The following ATRNL1 variants were observed in gnomAD, a reference collection of about 807,000 sequenced individuals.
ATRNL1 encodes the protein attractin-like protein 1.
Under a neutral mutation model 182.7 loss-of-function variants are expected in ATRNL1, and 95 were observed. The observed-to-expected ratio is 0.52, with a 90% CI of 0.44 to 0.62. The LOEUF (loss-of-function observed/expected upper bound fraction) is 0.62. Among genes scored for constraint, ATRNL1 ranks in the 20% least tolerant of loss-of-function variants. The pLI is 0.00. For missense variants in ATRNL1, 1,471 were observed against 1,679.5 expected (o/e 0.88, Z 2.17); for synonymous variants, 576 against 568.3 (o/e 1.01, Z -0.19).
At chr10:115,389,546 A>ATATATATATATT in intron 19 of ATRNL1, among the ~76,000 whole-genome samples, 1 of 16,394 alleles carries the variant, frequency 6.1e-5, no homozygotes, top group Admixed American at 8.6e-4. Flanking sequence ...ATGTGTATAT[A>ATATATATATATT]TATATATATA....
At chr10:115,666,586 T>G (rs868934258) in intron 26 of ATRNL1, among the ~76,000 whole-genome samples, 2 of 152,132 alleles carry the variant, frequency 1.3e-5, no homozygotes, top group Non-Finnish European at 2.9e-5. Context: ...CTCATATTTT[T>G]TCCCCAAAAA....
chr10:115,542,124 C>A (rs1372499314), intron 25 of ATRNL1, among the ~76,000 whole-genome samples: 3 of 152,034 alleles, frequency 2.0e-5, no homozygotes, highest in African/African-American at 7.2e-5. Flanking sequence ...ATAGGACTTA[C>A]CCAGGAAGAT....
At chr10:115,228,799 CTT>C (rs1849808053) in intron 9 of ATRNL1, among the ~76,000 whole-genome samples, 1 of 129,172 alleles carries the variant, frequency 7.7e-6, no homozygotes, top group Non-Finnish European at 1.6e-5. Context: ...AAGTTTCGCT[CTT>C]GTTTCCCAGG....
At chr10:115,837,514 ACACACACACACACC>A (rs1950705856) in intron 27 of ATRNL1, among the ~76,000 whole-genome samples, 1 of 107,576 alleles carries the variant, frequency 9.3e-6, no homozygotes. Flanking sequence ...ACACACACAC[ACACACACACACACC>A]AGAACACCCT....
intron 9 of ATRNL1, among the ~76,000 whole-genome samples, chr10:115,230,712 C>T (rs1849887350): frequency 6.6e-6 from 1 of 151,886 alleles, no homozygotes; most frequent in Non-Finnish European, 1.5e-5. Flanking sequence ...GCAGGAAGAC[C>T]ATTTAGGAGG....
At chr10:115,859,800 T>C (rs1400399682) in intron 28 of ATRNL1, among the ~76,000 whole-genome samples, 2 of 152,196 alleles carry the variant, frequency 1.3e-5, no homozygotes, top group African/African-American at 2.4e-5. Flanking sequence ...ATGGAAGTCC[T>C]GGTGGAGGAG....
Position 115,093,756 on chromosome 10 carries a change from G to A in ATRNL1, c.6G>A (p.Glu2=). 7.1e-7 allele frequency: 1 copy of A among 1,415,858 alleles called. No homozygotes were observed. The highest frequency in any genetic ancestry group is 1.5e-5 in the South Asian group (1 of 65,726). The allele number at this position is 1,415,858 out of a possible 1,614,324, so 87.7% of individuals were successfully genotyped here. ...GGGCAGGGGCGCCGGGGAAGATGGAGACTGGGGGCCGGGCCCGCACTGGTA... is the reference window on the plus strand; with the variant it reads ...GGGCAGGGGCGCCGGGGAAGATGGAAACTGGGGGCCGGGCCCGCACTGGTA... M[E]TGGRARTGTP... is the part of the protein sequence containing the mutation. Residue 2 remains glutamate (E), a synonymous_variant, in exon 1 of 29, where the codon GAG becomes GAA. Transcript: ENST00000355044. This position sits in a 1 kb window ranked among gnomAD's most constrained non-coding sequence, Gnocchi z 6.1.
At chr10:115,361,996 T>C (rs1047729051) in intron 19 of ATRNL1, among the ~76,000 whole-genome samples, 2 of 152,052 alleles carry the variant, frequency 1.3e-5, no homozygotes, top group Non-Finnish European at 2.9e-5. Flanking sequence ...CTCTTTAATA[T>C]AGGCAAGTAC....
intron 28 of ATRNL1, among the ~76,000 whole-genome samples, chr10:115,856,343 G>T (rs1342629853): frequency 7.8e-5 from 11 of 141,824 alleles, no homozygotes; most frequent in Non-Finnish European, 1.4e-4. Flanking sequence ...CAGGAGAAAC[G>T]CTTGAACCCA....
intron 26 of ATRNL1, among the ~76,000 whole-genome samples, chr10:115,690,327 C>T (rs1263685797): frequency 6.6e-6 from 1 of 152,018 alleles, no homozygotes; most frequent in Non-Finnish European, 1.5e-5. Context: ...ACTGTTCCAC[C>T]TCAGATCATC....
At chr10:115,473,770 G>T (rs1174619638) in intron 24 of ATRNL1, among the ~76,000 whole-genome samples, 1 of 151,172 alleles carries the variant, frequency 6.6e-6, no homozygotes, top group African/African-American at 2.4e-5. Flanking sequence ...ATGTGACCAA[G>T]TTTTCTATTT....
At chr10:115,308,408 AT>A (rs1853844025) in intron 17 of ATRNL1, among the ~76,000 whole-genome samples, 1 of 152,146 alleles carries the variant, frequency 6.6e-6, no homozygotes, top group African/African-American at 2.4e-5. Context: ...TAAAAATAGA[AT>A]AATACACAAC....
At chr10:115,792,374 A>G (rs1367839133) in intron 27 of ATRNL1, among the ~76,000 whole-genome samples, 4 of 152,080 alleles carry the variant, frequency 2.6e-5, no homozygotes, top group Admixed American at 1.3e-4. Context: ...TCTGAGTTCT[A>G]CAATAGCTGT....
intron 19 of ATRNL1, among the ~76,000 whole-genome samples, chr10:115,370,157 C>G (rs929332746): frequency 6.6e-6 from 1 of 152,174 alleles, no homozygotes; most frequent in Non-Finnish European, 1.5e-5. Context: ...TGAGGCCTCC[C>G]CAGCCATGTG....
At position 115,776,495 on chromosome 10, in the gene ATRNL1, G is replaced by A. The variant is rs114210310; in HGVS notation, c.3903+49140G>A. Among the ~76,000 whole-genome samples, 838 of 152,154 alleles carry A rather than the reference G, an allele frequency of 5.5e-3. 6 individuals carry two copies. Among genetic ancestry groups the A allele is most frequent in the African/African-American group, 0.019 (785 of 41,504 alleles). ...GGTCTCTTCCTCTTGAATCTGGGTG[G>A]GATCTGACTGTCTGACTAACAGAAT... On this transcript the variant is annotated intron_variant, in intron 27 of 28. Coordinates refer to ENST00000355044, the MANE Select transcript of ATRNL1 (RefSeq NM_207303.4).
At chr10:115,743,024 A>C (rs1948182579) in intron 27 of ATRNL1, among the ~76,000 whole-genome samples, 1 of 152,106 alleles carries the variant, frequency 6.6e-6, no homozygotes, top group South Asian at 2.1e-4. Flanking sequence ...AGAAGTGCCG[A>C]GTAAAAGGGG....
At chr10:115,626,168 T>C (rs1264580910) in intron 26 of ATRNL1, among the ~76,000 whole-genome samples, 2 of 152,274 alleles carry the variant, frequency 1.3e-5, no homozygotes, top group East Asian at 3.9e-4. Context: ...ATACATACAC[T>C]TACTTTGTTA....
chr10:115,376,317 T>A (rs957534465), intron 19 of ATRNL1, among the ~76,000 whole-genome samples: 1 of 152,144 alleles, frequency 6.6e-6, no homozygotes, highest in Non-Finnish European at 1.5e-5. Flanking sequence ...TGAGACAGGA[T>A]CTTGCTTTGT....
At chr10:115,380,189 C>T (rs1223596675) in intron 19 of ATRNL1, among the ~76,000 whole-genome samples, 2 of 152,056 alleles carry the variant, frequency 1.3e-5, no homozygotes, top group African/African-American at 4.8e-5. Flanking sequence ...TTCTTAGAAA[C>T]CTTTCTAGTA....
Sources: allele counts gnomAD v4.1 joint callset (sites outside exome capture counted in the v4.1 genomes callset), GRCh38; gene constraint gnomAD v4.1.1; non-coding constraint Gnocchi (gnomAD v3.1); transcripts MANE v1.5; gene names NCBI Gene and HGNC (gene_info 2026-07-23, HGNC 2026-07-21).